The following SYNDIG1 variants were observed in gnomAD, a reference collection of about 807,000 sequenced individuals.
SYNDIG1 encodes the protein synapse differentiation inducing 1.
In SYNDIG1, 9 loss-of-function variants were observed where a neutral mutation model predicts 19.4. That is an observed-to-expected ratio of 0.46 (90% CI 0.28 to 0.81). SYNDIG1 has a LOEUF of 0.81. Ranked by LOEUF, SYNDIG1 falls within the 30% of genes least tolerant of loss-of-function variation. The pLI, the probability that SYNDIG1 is intolerant of heterozygous loss-of-function variation, is 0.12. For synonymous variants in SYNDIG1, 141 were observed against 145.9 expected (o/e 0.97, Z 0.24); for missense variants, 311 against 343.3 (o/e 0.91, Z 0.74).
rs751786413 is a variant in SYNDIG1, at chr20:24,543,452, C to G, written c.355C>G (p.Arg119Gly). ...DCCETTFIED[R>G]SPTKDSLEYP... ...CTGCGAGACCACCTTCATCGAGGAC[C>G]GGTCGCCCACCAAAGACAGCCTCGA... The change falls in exon 2 of 4, where the codon CGG becomes GGG. Residue 119 changes from arginine (R) to glycine (G), a missense_variant. Arg to Gly is a moderately radical substitution (Grantham distance 125). Coordinates refer to ENST00000376862, the MANE Select transcript of SYNDIG1 (RefSeq NM_024893.3). 5.1e-5 allele frequency: 83 copies of G among 1,613,530 alleles called. No homozygotes were observed. Among genetic ancestry groups the G allele is most frequent in the Non-Finnish European group, 6.9e-5 (82 of 1,180,022 alleles).
At chr20:24,481,316 G>A (rs2055790505) in intron 1 of SYNDIG1, among the ~76,000 whole-genome samples, 1 of 152,182 alleles carries the variant, frequency 6.6e-6, no homozygotes, top group African/African-American at 2.4e-5. Context: ...TGGCTCCTGG[G>A]GCCTCAGCTG....
intron 1 of SYNDIG1, among the ~76,000 whole-genome samples, chr20:24,480,223 A>G (rs1035708745): frequency 1.3e-5 from 2 of 152,218 alleles, no homozygotes; most frequent in African/African-American, 2.4e-5. Flanking sequence ...ACAACCGAAG[A>G]TGAAATATCT....
At chr20:24,584,719 G>A (rs983586305) in intron 2 of SYNDIG1, 137 bp from the exon 3 acceptor site, 11 of 1,208,574 alleles carry the variant, frequency 9.1e-6, no homozygotes, top group South Asian at 3.9e-5. Context: ...ACGATGACTC[G>A]AACAACGTCA....
intron 1 of SYNDIG1, among the ~76,000 whole-genome samples, chr20:24,535,991 AT>A (rs2057354354): frequency 6.6e-6 from 1 of 152,190 alleles, no homozygotes; most frequent in Non-Finnish European, 1.5e-5. Flanking sequence ...TTGAGGATTC[AT>A]TTGCGGCTGC....
At chr20:24,475,109 C>G (rs2055580176) in intron 1 of SYNDIG1, among the ~76,000 whole-genome samples, 1 of 152,150 alleles carries the variant, frequency 6.6e-6, no homozygotes, top group Non-Finnish European at 1.5e-5. Flanking sequence ...TTTTTAACTT[C>G]CTCCTATGAT....
intron 1 of SYNDIG1, among the ~76,000 whole-genome samples, chr20:24,518,666 C>G (rs1202997232): frequency 6.6e-6 from 1 of 152,192 alleles, no homozygotes; most frequent in Non-Finnish European, 1.5e-5. Context: ...TGGCCCTGCT[C>G]GTGTCCCAGC....
Position 24,558,563 on chromosome 20 carries a change from AT to A in SYNDIG1, c.480+14991del, listed in dbSNP as rs367925477. Among the ~76,000 whole-genome samples the A allele has an allele frequency of 1.9e-3, 288 of 152,092 alleles. 2 individuals are homozygous for A. Among genetic ancestry groups the A allele is most frequent in the African/African-American group, 6.7e-3 (279 of 41,492 alleles). ...GATTGGAATAATGTCTGCCATTTTG[AT>A]TTTTGTTTTCTGCATGTATCCTGGT... On this transcript the variant is annotated intron_variant, in intron 2 of 3. Coordinates refer to ENST00000376862, the MANE Select transcript of SYNDIG1 (RefSeq NM_024893.3).
intron 2 of SYNDIG1, among the ~76,000 whole-genome samples, chr20:24,555,936 G>T (rs1293926085): frequency 6.6e-6 from 1 of 152,092 alleles, no homozygotes; most frequent in African/African-American, 2.4e-5. Flanking sequence ...TTGTGTGGGA[G>T]TCTAAGTCTC....
At chr20:24,598,987 G>A (rs1314752509) in intron 3 of SYNDIG1, among the ~76,000 whole-genome samples, 1 of 152,074 alleles carries the variant, frequency 6.6e-6, no homozygotes, top group Non-Finnish European at 1.5e-5. Flanking sequence ...AAATAGACAA[G>A]CAGGACTTAA....
At chr20:24,502,532 TCA>T (rs2056480634) in intron 1 of SYNDIG1, among the ~76,000 whole-genome samples, 1 of 152,242 alleles carries the variant, frequency 6.6e-6, no homozygotes, top group Non-Finnish European at 1.5e-5. Context: ...CTCAGAATCC[TCA>T]CCCTTGAATC....
intron 3 of SYNDIG1, among the ~76,000 whole-genome samples, chr20:24,617,208 T>C (rs1344659077): frequency 6.6e-6 from 1 of 152,114 alleles, no homozygotes; most frequent in African/African-American, 2.4e-5. Flanking sequence ...ATCGCATGAC[T>C]CTGCAAGGGG....
intron 1 of SYNDIG1, among the ~76,000 whole-genome samples, chr20:24,532,396 A>C (rs982391420): frequency 6.6e-6 from 1 of 152,174 alleles, no homozygotes; most frequent in African/African-American, 2.4e-5. Flanking sequence ...CAGTTATATG[A>C]AATGTCCAGA....
At chr20:24,616,737 G>T (rs2058940967) in intron 3 of SYNDIG1, among the ~76,000 whole-genome samples, 1 of 152,256 alleles carries the variant, frequency 6.6e-6, no homozygotes, top group South Asian at 2.1e-4. Flanking sequence ...AGAGCAACTG[G>T]CTGAGCTTGG....
chr20:24,620,230 A>G (rs2059017184), intron 3 of SYNDIG1, among the ~76,000 whole-genome samples: 1 of 152,218 alleles, frequency 6.6e-6, no homozygotes, highest in Non-Finnish European at 1.5e-5. Flanking sequence ...TGGTGGCATA[A>G]ACAACTTTTT....
intron 3 of SYNDIG1, among the ~76,000 whole-genome samples, chr20:24,657,083 A>G (rs2059533120): frequency 6.6e-6 from 1 of 152,168 alleles, no homozygotes; most frequent in African/African-American, 2.4e-5. Flanking sequence ...CCGGAAGCCG[A>G]GTAGATGCTG....
chr20:24,474,937 T>G (rs1164496190), intron 1 of SYNDIG1, among the ~76,000 whole-genome samples: 1 of 152,232 alleles, frequency 6.6e-6, no homozygotes. Flanking sequence ...CACAAAAGTT[T>G]TATTCCATTG....
At chr20:24,540,642 G>T (rs1346910875) in intron 1 of SYNDIG1, among the ~76,000 whole-genome samples, 1 of 152,044 alleles carries the variant, frequency 6.6e-6, no homozygotes, top group Admixed American at 6.5e-5. Flanking sequence ...CTTTTTCTAT[G>T]TCAATAGAGA....
chr20:24,563,362 T>G (rs990910000), intron 2 of SYNDIG1, among the ~76,000 whole-genome samples: 4 of 152,156 alleles, frequency 2.6e-5, no homozygotes, highest in Non-Finnish European at 5.9e-5. Flanking sequence ...CTTGAAAAAG[T>G]TAGATTTGTC....
At chr20:24,534,707 T>A (rs533317200) in intron 1 of SYNDIG1, among the ~76,000 whole-genome samples, 1 of 152,316 alleles carries the variant, frequency 6.6e-6, no homozygotes, top group East Asian at 1.9e-4. Context: ...CTGCTGGTGG[T>A]CACCTAGGTC....
Sources: gnomAD v4.1 joint callset for allele counts (sites outside exome capture counted in the v4.1 genomes callset) on GRCh38, gnomAD v4.1.1 for gene constraint, MANE v1.5 for transcripts, NCBI Gene and HGNC (gene_info 2026-07-23, HGNC 2026-07-21) for gene names.